OR1D2: variants seen among roughly 807,000 people sequenced by gnomAD.
The protein encoded by OR1D2 is olfactory receptor family 1 subfamily D member 2.
For missense variants in OR1D2, 357 were observed against 376.1 expected (o/e 0.95, Z 0.42); for synonymous variants, 157 against 153.9 (o/e 1.02, Z -0.15).
intron 1 of OR1D2, among the ~76,000 whole-genome samples, chr17:3,096,006 T>G (rs925437825): frequency 1.3e-5 from 2 of 152,160 alleles, no homozygotes; most frequent in Non-Finnish European, 2.9e-5. Flanking sequence ...TGGACTTAAG[T>G]TGGTATAAAT....
At chr17:3,095,748 G>A (rs938252013) in intron 1 of OR1D2, among the ~76,000 whole-genome samples, 1 of 151,756 alleles carries the variant, frequency 6.6e-6, no homozygotes, top group Non-Finnish European at 1.5e-5. Flanking sequence ...CACCATTTAT[G>A]TAAGATAATA....
At chr17:3,093,337 T>G (rs1256173362) in intron 1 of OR1D2, among the ~76,000 whole-genome samples, 1 of 152,174 alleles carries the variant, frequency 6.6e-6, no homozygotes, top group Non-Finnish European at 1.5e-5. Context: ...ACATGCAGTA[T>G]AAGTAGTTCA....
chr17:3,091,776 C>T lies in OR1D2; in HGVS notation c.*282G>A, dbSNP rs577488065. Reference sequence around the variant, plus strand: ...CTTCTAGGTTTAAACTGGATATAGTCAGATAAGGCCAAGAATGTGGCCCTG... The same window carrying T: ...CTTCTAGGTTTAAACTGGATATAGTTAGATAAGGCCAAGAATGTGGCCCTG... On this transcript the variant is annotated 3_prime_UTR_variant, in exon 2 of 2. Transcript: ENST00000641833. 6.4e-6 allele frequency: 2 copies of T among 313,892 alleles called. No homozygotes were observed. Among genetic ancestry groups the T allele is most frequent in the South Asian group, 1.3e-4 (2 of 15,276 alleles). 19.4% of individuals were successfully genotyped at this position (313,892 alleles called of 1,614,324 possible).
chr17:3,092,608 A>AG lies in OR1D2; in HGVS notation c.388dup (p.Leu130ProfsTer10). The stretch of plus-strand genomic sequence containing the variant: ...AGGGCTCATGGCTGTGGTGTAGTGG[A>AG]GGGGGCAGCAGATGGCCACATAGCG... On this transcript the variant is annotated frameshift_variant, in exon 2 of 2. Transcript: ENST00000641833. LOFTEE classifies it low-confidence loss of function (END_TRUNC). 1.2e-6 allele frequency: 2 copies of AG among 1,613,828 alleles called. No homozygotes were observed. The highest frequency in any genetic ancestry group is 1.7e-6 in the Non-Finnish European group (2 of 1,179,928).
Position 3,092,247 on chromosome 17 carries a change from G to A in OR1D2, c.750C>T (p.Leu250=), listed in dbSNP as rs1228665160. The change falls in exon 2 of 2, where the codon CTC becomes CTT. Residue 250 remains leucine, a synonymous_variant. Coordinates refer to ENST00000641833, the MANE Select transcript of OR1D2 (RefSeq NM_002548.3). The stretch of plus-strand genomic sequence containing the variant: ...ATACCATACAAAGTGTCCCATAGAA[G>A]AGGGAGACTGCACCCAAATGGGAGG... ...TCASHLGAVS[L]FYGTLCMVYL... is the part of the protein sequence containing the mutation. The A allele has an allele frequency of 3.7e-6, 6 of 1,614,084 alleles. No individual in the cohort carries two copies. In the South Asian group the frequency reaches 5.5e-5, roughly 15 times the overall value.
chr17:3,093,675 GTTATAT>G (rs1264156503), intron 1 of OR1D2, among the ~76,000 whole-genome samples: 4 of 152,124 alleles, frequency 2.6e-5, no homozygotes, highest in Admixed American at 2.0e-4. Flanking sequence ...GCCTATTATT[GTTATAT>G]TTAACGAGAA....
chr17:3,092,306 C>CTG lies in OR1D2; in HGVS notation c.689_690dup (p.Val231GlnfsTer31). Reference sequence around the variant, plus strand: ...GAGAAGGCTTTGTATTTCTTAGAGACTGAGGGTATTCTGAGGATGGCTCTG... The same window carrying CTG: ...GAGAAGGCTTTGTATTTCTTAGAGACTGTGAGGGTATTCTGAGGATGGCTCTG... On this transcript the variant is annotated frameshift_variant, in exon 2 of 2. Coordinates refer to ENST00000641833, the MANE Select transcript of OR1D2 (RefSeq NM_002548.3). LOFTEE classifies it low-confidence loss of function (END_TRUNC). 1 of 1,614,134 alleles carries CTG rather than the reference C, an allele frequency of 6.2e-7. No homozygotes were observed. The highest frequency in any genetic ancestry group is 2.2e-5 in the East Asian group (1 of 44,874).
At chr17:3,096,181 A>G (rs1430368963) in intron 1 of OR1D2, among the ~76,000 whole-genome samples, 1 of 152,206 alleles carries the variant, frequency 6.6e-6, no homozygotes, top group Non-Finnish European at 1.5e-5. Flanking sequence ...GGAAAAAAGG[A>G]CATGGGACAC....
Position 3,104,202 on chromosome 17 carries a change from G to A in OR1D2, c.-154C>T, listed in dbSNP as rs752745748. Reference sequence around the variant, plus strand: ...CATTCAGGTCATAAAAGACCAGAATGCATTATTTTCTGAATAGGTCTTGGA... The same window carrying A: ...CATTCAGGTCATAAAAGACCAGAATACATTATTTTCTGAATAGGTCTTGGA... On this transcript the variant is annotated 5_prime_UTR_variant, in exon 1 of 2. Coordinates refer to ENST00000641833, the MANE Select transcript of OR1D2 (RefSeq NM_002548.3). The A allele has an allele frequency of 1.3e-5, 2 of 152,210 alleles. No individual in the cohort carries two copies. Among genetic ancestry groups the A allele is most frequent in the Non-Finnish European group, 2.9e-5 (2 of 68,064 alleles). The allele number at this position is 152,210 out of a possible 1,614,324, so 9.4% of individuals were successfully genotyped here.
At chr17:3,104,030 GAAGA>G (rs1361539716) in intron 1 of OR1D2, 65 bp downstream of exon 1, 2 of 152,380 alleles carry the variant, frequency 1.3e-5, no homozygotes, top group Non-Finnish European at 2.9e-5. Flanking sequence ...AGAAAATGGA[GAAGA>G]GAGAAGATAA....
chr17:3,092,854 G>A lies in OR1D2; in HGVS notation c.143C>T (p.Ala48Val), dbSNP rs2151706896. Residue 48 changes from alanine to valine, a missense_variant, in exon 2 of 2, where the codon GCC becomes GTC. Transcript: ENST00000641833. ...TVVGNVLIIL[A>V]ISSDSRLHTP... ...GTGCAGGCGGGAATCAGAGCTGATG[G>A]CCAGGATGATGAGCACATTTCCCAC... 1 of 1,614,032 alleles carries A rather than the reference G, an allele frequency of 6.2e-7. No individual in the cohort carries two copies. Among genetic ancestry groups the A allele is most frequent in the South Asian group, 1.1e-5 (1 of 91,064 alleles).
Position 3,091,203 on chromosome 17 carries a change from G to A in OR1D2, c.*855C>T, listed in dbSNP as rs2047805476. 1 of 152,178 alleles carries A rather than the reference G, an allele frequency of 6.6e-6. No homozygotes were observed. The highest frequency in any genetic ancestry group is 1.5e-5 in the Non-Finnish European group (1 of 68,032). 9.4% of individuals were successfully genotyped at this position (152,178 alleles called of 1,614,324 possible). The stretch of plus-strand genomic sequence containing the variant: ...TAAATTAGTCTGTATGTTGGTGGAT[G>A]AGAGATACAACTGTCGATTCCACCA... On this transcript the variant is annotated 3_prime_UTR_variant, in exon 2 of 2. Transcript: ENST00000641833.
chr17:3,104,149 CA>C lies in OR1D2; in HGVS notation c.-102del, dbSNP rs2047887019. 6.6e-6 allele frequency: 1 copy of C among 152,204 alleles called. No homozygotes were observed. Among genetic ancestry groups the C allele is most frequent in the South Asian group, 2.1e-4 (1 of 4,834 alleles). 9.4% of individuals were successfully genotyped at this position (152,204 alleles called of 1,614,324 possible). A position where few individuals can be genotyped will look rare whatever the true frequency, so the allele number is the denominator to read the frequency against. The stretch of plus-strand genomic sequence containing the variant: ...CAGAGTTCACTGGTTCAGCTTCCTC[CA>C]CGTTCCTGTTCTACAGGATGAAAAC... On this transcript the variant is annotated 5_prime_UTR_variant, in exon 1 of 2. An upstream open reading frame in the 5' UTR loses its in-frame stop. Transcript: ENST00000641833.
rs116255237 is a variant in OR1D2, at chr17:3,094,697, C to T, written c.-50-1651G>A. On this transcript the variant is annotated intron_variant, in intron 1 of 1. Coordinates refer to ENST00000641833, the MANE Select transcript of OR1D2 (RefSeq NM_002548.3). ...ACCTGTGAGCACAATGTGATGTCAG[C>T]CTTCTTTGAAAAGACCTCAAAGTAG... Among the ~76,000 whole-genome samples the T allele has an allele frequency of 3.7e-3, 566 of 152,190 alleles. 3 individuals carry two copies. Among genetic ancestry groups the T allele is most frequent in the South Asian group, 0.018 (85 of 4,826 alleles).
intron 1 of OR1D2, among the ~76,000 whole-genome samples, chr17:3,094,391 A>C (rs757330995): frequency 7.9e-5 from 12 of 152,012 alleles, no homozygotes; most frequent in Non-Finnish European, 1.5e-4. Context: ...AGAAAAAAGA[A>C]ACATGTATAT....
intron 1 of OR1D2, among the ~76,000 whole-genome samples, chr17:3,095,628 G>A (rs2047840623): frequency 6.6e-6 from 1 of 151,354 alleles, no homozygotes; most frequent in Admixed American, 6.6e-5. Flanking sequence ...ATGTAAATAT[G>A]TAAATATATA....
At chr17:3,103,348 C>T (rs1412197597) in intron 1 of OR1D2, among the ~76,000 whole-genome samples, 2 of 152,124 alleles carry the variant, frequency 1.3e-5, no homozygotes, top group Non-Finnish European at 2.9e-5. Context: ...TCAAGCCATT[C>T]TCCTGCCTCA....
In OR1D2 at chr17:3,092,116, T is replaced by C. The variant is rs753440389; in HGVS notation, c.881A>G (p.Lys294Arg). 1 of 1,614,108 alleles carries C rather than the reference T, an allele frequency of 6.2e-7. No homozygotes were observed. The highest frequency in any genetic ancestry group is 1.1e-5 in the South Asian group (1 of 91,080). Reference sequence around the variant, plus strand: ...TCTTCCCAGAGCCCCATGCATGTCCTTGTTCCTCAGGCTGTAGATGAAGGG... The same window carrying C: ...TCTTCCCAGAGCCCCATGCATGTCCCTGTTCCTCAGGCTGTAGATGAAGGG... ...MNPFIYSLRN[K>R]DMHGALGRLL... Residue 294 changes from lysine to arginine, a missense_variant, in exon 2 of 2, where the codon AAG becomes AGG. Physicochemically the swap from Lys to Arg is conservative, Grantham distance 26 (BLOSUM62 2). Transcript: ENST00000641833.
chr17:3,100,992 T>C (rs953229140), intron 1 of OR1D2, among the ~76,000 whole-genome samples: 3 of 152,132 alleles, frequency 2.0e-5, no homozygotes, highest in Non-Finnish European at 4.4e-5. Context: ...AATCCCTGAA[T>C]AGACCAATAA....
Sources: allele counts gnomAD v4.1 joint callset (sites outside exome capture counted in the v4.1 genomes callset), GRCh38; gene constraint gnomAD v4.1.1; transcripts MANE v1.5; gene names NCBI Gene and HGNC (gene_info 2026-07-23, HGNC 2026-07-21).